RSPO2: variants seen among roughly 807,000 people sequenced by gnomAD.
The protein encoded by RSPO2 is R-spondin 2.
In RSPO2, 14 loss-of-function variants were observed where a neutral mutation model predicts 30.9. That is an observed-to-expected ratio of 0.45 (90% confidence interval 0.30 to 0.71). The LOEUF (loss-of-function observed/expected upper bound fraction) is 0.71. RSPO2 is among the 30% of genes least tolerant of loss of function. The pLI, the probability that RSPO2 is intolerant of heterozygous loss-of-function variation, is 0.08. For synonymous variants in RSPO2, 107 were observed against 96.4 expected (o/e 1.11, Z -0.64); for missense variants, 264 against 301.9 (o/e 0.87, Z 0.93).
chr8:107,947,691 A>G (rs1813110187), intron 5 of RSPO2, among the ~76,000 whole-genome samples: 1 of 152,230 alleles, frequency 6.6e-6, no homozygotes, highest in East Asian at 1.9e-4. Context: ...CACTTTAGCA[A>G]CACCATTTCA....
chr8:107,921,794 T>C (rs1363444646), intron 5 of RSPO2, among the ~76,000 whole-genome samples: 1 of 152,132 alleles, frequency 6.6e-6, no homozygotes, highest in African/African-American at 2.4e-5. Context: ...GCAAGGTTGG[T>C]TCAACATATG....
chr8:108,000,723 C>T (rs1815213872), intron 2 of RSPO2, among the ~76,000 whole-genome samples: 1 of 151,822 alleles, frequency 6.6e-6, no homozygotes, highest in Admixed American at 6.6e-5. Context: ...AGGGAACTCC[C>T]GGGCACGGTG....
chr8:107,913,395 G>A lies in RSPO2; in HGVS notation c.617-12205C>T, dbSNP rs117200004. On this transcript the variant is annotated intron_variant, in intron 5 of 5. Transcript: ENST00000276659. ...TGGGGCCATTATTGGTTTGATACAA[G>A]ACGAGGATAACCAATGGTATATTTT... 7.5e-3 allele frequency among the ~76,000 whole-genome samples: 1,139 copies of A among 152,258 alleles called. 10 individuals are homozygous for A. Among genetic ancestry groups the A allele is most frequent in the Non-Finnish European group, 0.013 (910 of 68,018 alleles).
At chr8:107,904,468 G>A (rs1372299936) in intron 5 of RSPO2, among the ~76,000 whole-genome samples, 1 of 152,042 alleles carries the variant, frequency 6.6e-6, no homozygotes, top group Non-Finnish European at 1.5e-5. Context: ...TGAGAATGCA[G>A]TGGCCTTGAC....
At chr8:107,941,717 A>C (rs188994385) in intron 5 of RSPO2, among the ~76,000 whole-genome samples, 1 of 152,332 alleles carries the variant, frequency 6.6e-6, no homozygotes, top group South Asian at 2.1e-4. Context: ...TTGGTTTCAC[A>C]GTGAGCAGAC....
At chr8:108,081,821 C>G (rs1046367832) in intron 2 of RSPO2, 1 of 838,042 alleles carries the variant, frequency 1.2e-6, no homozygotes, top group African/African-American at 1.8e-5. Context: ...GCTGCTTTTG[C>G]AAAGCAAATG....
chr8:107,936,829 G>A (rs113359989), intron 5 of RSPO2, among the ~76,000 whole-genome samples: 14 of 152,174 alleles, frequency 9.2e-5, no homozygotes, highest in African/African-American at 2.6e-4. Flanking sequence ...GTCAACTCAT[G>A]TTCTTTGTCC....
intron 2 of RSPO2, among the ~76,000 whole-genome samples, chr8:108,017,548 T>C (rs1286069603): frequency 6.6e-6 from 1 of 151,962 alleles, no homozygotes; most frequent in Non-Finnish European, 1.5e-5. Flanking sequence ...GAAGGAGCAA[T>C]AAAAGCATGT....
chr8:108,012,491 T>C (rs1268927459), intron 2 of RSPO2, among the ~76,000 whole-genome samples: 1 of 152,220 alleles, frequency 6.6e-6, no homozygotes, highest in Non-Finnish European at 1.5e-5. Context: ...CCAAAAACCC[T>C]AAAATTACAT....
intron 5 of RSPO2, among the ~76,000 whole-genome samples, chr8:107,954,358 T>C (rs73315494): frequency 0.019 from 2,955 of 152,300 alleles, 102 homozygotes; most frequent in African/African-American, 0.066. Context: ...TATTCCCTAA[T>C]GTACAACATG....
Position 108,028,416 on chromosome 8 carries a change from C to T in RSPO2, c.95-39172G>A, listed in dbSNP as rs1339100712. On this transcript the variant is annotated intron_variant, in intron 2 of 5. Transcript: ENST00000276659. ...TCTCTCCCTTCTACTGCTTGCTCTA[C>T]ATCGCACAGGAGGAGGCAGGACACT... is the stretch of plus-strand genomic sequence containing the variant. Among the ~76,000 whole-genome samples, 5 of 152,310 alleles carry T rather than the reference C, an allele frequency of 3.3e-5. No homozygotes were observed. In the East Asian group the frequency reaches 9.6e-4, roughly 29 times the overall value.
At chr8:107,922,077 C>G (rs1812192487) in intron 5 of RSPO2, among the ~76,000 whole-genome samples, 1 of 152,088 alleles carries the variant, frequency 6.6e-6, no homozygotes, top group African/African-American at 2.4e-5. Context: ...TTTTATTCAA[C>G]ATAGTATTGG....
chr8:108,049,728 T>G (rs555693191), intron 2 of RSPO2, among the ~76,000 whole-genome samples: 1 of 152,052 alleles, frequency 6.6e-6, no homozygotes, highest in African/African-American at 2.4e-5. Flanking sequence ...GCAAAGGACA[T>G]GAACTCATTC....
At chr8:108,000,292 G>A (rs16877068) in intron 2 of RSPO2, among the ~76,000 whole-genome samples, 3 of 152,070 alleles carry the variant, frequency 2.0e-5, no homozygotes, top group Admixed American at 6.6e-5. Context: ...AAATAATCAC[G>A]GTGGTCATCA....
chr8:108,059,361 G>T lies in RSPO2; in HGVS notation c.94+23184C>A, dbSNP rs532366860. 1.2e-4 allele frequency among the ~76,000 whole-genome samples: 18 copies of T among 151,878 alleles called. No homozygotes were observed. The East Asian group carries it at 3.1e-3, about 26-fold the overall frequency. On this transcript the variant is annotated intron_variant, in intron 2 of 5. Transcript: ENST00000276659. ...AAAAAGTCAGGAAACAACAGGTGCT[G>T]GAGAGGATGTGGAGAAATAGGGACA...
intron 2 of RSPO2, among the ~76,000 whole-genome samples, chr8:108,047,143 T>C (rs1811929619): frequency 3.3e-5 from 5 of 152,180 alleles, no homozygotes; most frequent in South Asian, 4.1e-4. Context: ...GGACGAGCAA[T>C]TGGTAATATT....
intron 3 of RSPO2, among the ~76,000 whole-genome samples, chr8:107,985,808 A>C (rs934723534): frequency 6.6e-6 from 1 of 152,202 alleles, no homozygotes. Flanking sequence ...CTGTTAGTAC[A>C]TGTATCACAG....
chr8:108,082,383 T>G lies in RSPO2; in HGVS notation c.94+162A>C, dbSNP rs77880896. On this transcript the variant is annotated intron_variant, in intron 2 of 5. Coordinates refer to ENST00000276659, the MANE Select transcript of RSPO2 (RefSeq NM_178565.5). The stretch of plus-strand genomic sequence containing the variant: ...CCAGGGTACAGAAAACAGAGTGTTT[T>G]GTAGAGCTCCAGGGTCCTAAAGGTG... Among the ~76,000 whole-genome samples the G allele has an allele frequency of 1.5e-4, 23 of 152,216 alleles. No individual in the cohort carries two copies. The East Asian group carries it at 4.3e-3, about 28-fold the overall frequency.
At chr8:108,037,068 A>G (rs1175838422) in intron 2 of RSPO2, among the ~76,000 whole-genome samples, 1 of 152,194 alleles carries the variant, frequency 6.6e-6, no homozygotes, top group Non-Finnish European at 1.5e-5. Context: ...GTGGCCTCTA[A>G]GTATTCAAGA....
Sources: gnomAD v4.1 joint callset for allele counts (sites outside exome capture counted in the v4.1 genomes callset) on GRCh38, gnomAD v4.1.1 for gene constraint, MANE v1.5 for transcripts, NCBI Gene and HGNC (gene_info 2026-07-23, HGNC 2026-07-21) for gene names.